NRCAM: variants seen among roughly 807,000 people sequenced by gnomAD.
NRCAM encodes neuronal cell adhesion molecule.
NRCAM carries 83 observed loss-of-function variants against 156.5 expected under a neutral mutation model. The ratio of observed to expected loss-of-function variants is 0.53; its 90% CI spans 0.44 to 0.64. The LOEUF is 0.64. Ranked by LOEUF, NRCAM falls within the 30% of genes least tolerant of loss-of-function variation. The pLI is 0.00. For missense variants in NRCAM, 1,417 were observed against 1,597.3 expected (o/e 0.89, Z 1.92); for synonymous variants, 538 against 563.9 (o/e 0.95, Z 0.65).
intron 2 of NRCAM, among the ~76,000 whole-genome samples, chr7:108,335,326 C>T (rs1474167995): frequency 1.3e-5 from 2 of 151,760 alleles, no homozygotes; most frequent in South Asian, 2.1e-4. Context: ...AAGAGATTCC[C>T]TATATTTTTC....
chr7:108,258,313 C>T (rs1264614081), intron 3 of NRCAM, among the ~76,000 whole-genome samples: 1 of 152,234 alleles, frequency 6.6e-6, no homozygotes, highest in Admixed American at 6.5e-5. Context: ...CCTGGTCCTT[C>T]AGCTCCACAT....
chr7:108,206,621 G>A (rs1400108730), intron 13 of NRCAM, among the ~76,000 whole-genome samples: 6 of 152,158 alleles, frequency 3.9e-5, no homozygotes, highest in Non-Finnish European at 8.8e-5. Context: ...AGGAAGAGGA[G>A]AGTCTAGTGG....
chr7:108,216,376 G>C (rs965667431), intron 11 of NRCAM, among the ~76,000 whole-genome samples: 1 of 152,130 alleles, frequency 6.6e-6, no homozygotes, highest in Admixed American at 6.5e-5. Flanking sequence ...TGGTGAATCT[G>C]ATGATTATTT....
chr7:108,444,582 G>C (rs1223146215), intron 1 of NRCAM, among the ~76,000 whole-genome samples: 4 of 152,140 alleles, frequency 2.6e-5, no homozygotes, highest in Admixed American at 6.6e-5. Flanking sequence ...TCTGTTCCAT[G>C]CATCTCTCCT....
intron 30 of NRCAM, among the ~76,000 whole-genome samples, chr7:108,166,715 G>A (rs1211764903): frequency 6.6e-6 from 1 of 152,080 alleles, no homozygotes; most frequent in Non-Finnish European, 1.5e-5. Flanking sequence ...TGGTAATAAT[G>A]TGGCTAGATG....
At chr7:108,398,756 C>A (rs2099783864) in intron 2 of NRCAM, among the ~76,000 whole-genome samples, 1 of 152,130 alleles carries the variant, frequency 6.6e-6, no homozygotes, top group Admixed American at 6.5e-5. Context: ...CTTAATGCAC[C>A]CTCAATATAC....
intron 11 of NRCAM, among the ~76,000 whole-genome samples, chr7:108,218,186 G>GGGGA (rs59386363): frequency 7.6e-6 from 1 of 131,772 alleles, no homozygotes; most frequent in African/African-American, 3.0e-5. Flanking sequence ...GGGGGGGGGG[G>GGGGA]AGTTCCCCGA....
chr7:108,228,250 AG>A (rs2093786091), intron 8 of NRCAM, among the ~76,000 whole-genome samples: 1 of 152,000 alleles, frequency 6.6e-6, no homozygotes, highest in South Asian at 2.1e-4. Context: ...TGAACCCGGG[AG>A]GCAGAGGCTG....
At chr7:108,440,199 A>C (rs1359895972) in intron 1 of NRCAM, among the ~76,000 whole-genome samples, 1 of 152,214 alleles carries the variant, frequency 6.6e-6, no homozygotes, top group Non-Finnish European at 1.5e-5. Context: ...CAACATGGAG[A>C]ACCCTCAAAA....
Position 108,241,358 on chromosome 7 carries a change from C to A in NRCAM, c.-106-1188G>T, listed in dbSNP as rs531466224. Among the ~76,000 whole-genome samples, 4 of 152,208 alleles carry A rather than the reference C, an allele frequency of 2.6e-5. No homozygotes were observed. The South Asian group carries it at 8.3e-4, about 32-fold the overall frequency. On this transcript the variant is annotated intron_variant, in intron 3 of 32. Coordinates refer to ENST00000379028, the MANE Select transcript of NRCAM (RefSeq NM_001037132.4). ...AAACATATTAATAGAAGATTGATATCCATCCCACAGTAAACTCCTACCTGA... is the reference window on the plus strand; with the variant it reads ...AAACATATTAATAGAAGATTGATATACATCCCACAGTAAACTCCTACCTGA...
At chr7:108,268,620 G>A (rs1397415108) in intron 3 of NRCAM, among the ~76,000 whole-genome samples, 14 of 109,880 alleles carry the variant, frequency 1.3e-4, no homozygotes, top group Admixed American at 1.8e-4. Context: ...GGGCGGGGGT[G>A]GGGGTGGGGG....
In NRCAM at chr7:108,361,064, A is replaced by C. The variant is rs114883615; in HGVS notation, c.-174+38372T>G. Among the ~76,000 whole-genome samples, 145 of 152,320 alleles carry C rather than the reference A, an allele frequency of 9.5e-4. 2 individuals carry two copies. Among genetic ancestry groups the C allele is most frequent in the African/African-American group, 3.3e-3 (137 of 41,570 alleles). On this transcript the variant is annotated intron_variant, in intron 2 of 32. Transcript: ENST00000379028. ...GCACAGAAAGAGAGAAAATATTTGTATATGGGGCAAAATATATGACTAGAG... is the reference window on the plus strand; with the variant it reads ...GCACAGAAAGAGAGAAAATATTTGTCTATGGGGCAAAATATATGACTAGAG...
chr7:108,209,894 G>A (rs966706508), intron 11 of NRCAM, among the ~76,000 whole-genome samples: 1 of 151,976 alleles, frequency 6.6e-6, no homozygotes, highest in Non-Finnish European at 1.5e-5. Flanking sequence ...TTTTTTCAAC[G>A]TTGTGACTAA....
chr7:108,195,565 G>C (rs1262376107), intron 15 of NRCAM, among the ~76,000 whole-genome samples, 196 bp downstream of exon 15: 1 of 151,994 alleles, frequency 6.6e-6, no homozygotes, highest in Non-Finnish European at 1.5e-5. Flanking sequence ...GCAGTGAGCT[G>C]TGATTGTGCC....
intron 28 of NRCAM, among the ~76,000 whole-genome samples, chr7:108,172,317 C>T (rs896096659): frequency 1.3e-5 from 2 of 152,098 alleles, no homozygotes; most frequent in Non-Finnish European, 2.9e-5. Context: ...CTCGTTCTGT[C>T]GCCCAGGCTG....
At chr7:108,219,504 G>A (rs2091306550) in intron 11 of NRCAM, among the ~76,000 whole-genome samples, 1 of 152,142 alleles carries the variant, frequency 6.6e-6, no homozygotes, top group African/African-American at 2.4e-5. Flanking sequence ...AATCCACCAT[G>A]ATCAAGTGGG....
intron 1 of NRCAM, among the ~76,000 whole-genome samples, chr7:108,415,163 C>A (rs1312729942): frequency 1.3e-5 from 2 of 152,218 alleles, no homozygotes; most frequent in Non-Finnish European, 2.9e-5. Context: ...GAAACAAGGT[C>A]TTCTTGGCCC....
intron 1 of NRCAM, among the ~76,000 whole-genome samples, chr7:108,416,925 T>A (rs575089757): frequency 1.3e-5 from 2 of 152,216 alleles, no homozygotes; most frequent in African/African-American, 4.8e-5. Flanking sequence ...CCATTTCAGA[T>A]CCATGCTGTT....
chr7:108,209,817 A>C (rs1002396320), intron 11 of NRCAM, among the ~76,000 whole-genome samples: 1 of 152,246 alleles, frequency 6.6e-6, no homozygotes, highest in South Asian at 2.1e-4. Context: ...GGCACACCAT[A>C]AACTTCGATG....
Sources: gnomAD v4.1 joint callset for allele counts (sites outside exome capture counted in the v4.1 genomes callset) on GRCh38, gnomAD v4.1.1 for gene constraint, MANE v1.5 for transcripts, NCBI Gene and HGNC (gene_info 2026-07-23, HGNC 2026-07-21) for gene names.